The following NRXN1 variants were observed in gnomAD, a reference collection of about 807,000 sequenced individuals.
NRXN1 encodes the protein neurexin 1, also known as neurexin-1.
In NRXN1, 39 loss-of-function variants were observed where a neutral mutation model predicts 150.9. The observed-to-expected ratio is 0.26, with a 90% CI of 0.20 to 0.34. The LOEUF is 0.34. NRXN1 is among the 10% of genes least tolerant of loss of function. The pLI, the probability that NRXN1 is intolerant of heterozygous loss-of-function variation, is 1.00. For missense variants in NRXN1, 1,815 were observed against 1,949.9 expected (o/e 0.93, Z 1.30); for synonymous variants, 924 against 757.0 (o/e 1.22, Z -3.62).
chr2:50,968,650 A>G (rs1179434969), intron 2 of NRXN1, among the ~76,000 whole-genome samples: 1 of 152,128 alleles, frequency 6.6e-6, no homozygotes, highest in Non-Finnish European at 1.5e-5. Context: ...ATGCTGTATT[A>G]TATTTTCACA....
intron 21 of NRXN1, among the ~76,000 whole-genome samples, chr2:49,999,202 T>A (rs1183551727): frequency 2.0e-5 from 3 of 152,130 alleles, no homozygotes; most frequent in African/African-American, 7.2e-5. Flanking sequence ...GTGTCTAGAT[T>A]AAAAGAAAAT....
chr2:50,243,029 T>C (rs139392625), intron 17 of NRXN1, among the ~76,000 whole-genome samples: 295 of 151,886 alleles, frequency 1.9e-3, no homozygotes, highest in African/African-American at 6.9e-3. Flanking sequence ...AAGGATGATA[T>C]TCAAGACAGC....
intron 18 of NRXN1, among the ~76,000 whole-genome samples, chr2:50,148,974 G>A (rs2058534317): frequency 6.6e-6 from 1 of 151,632 alleles, no homozygotes. Context: ...AATCATCTCT[G>A]GGTTGAAAGT....
intron 18 of NRXN1, among the ~76,000 whole-genome samples, chr2:50,166,044 T>A (rs2059660744): frequency 6.6e-6 from 1 of 152,052 alleles, no homozygotes; most frequent in African/African-American, 2.4e-5. Flanking sequence ...TCACCAATGA[T>A]ACAGGCTGAG....
At chr2:50,880,104 G>C (rs1679205308) in intron 5 of NRXN1, among the ~76,000 whole-genome samples, 2 of 151,964 alleles carry the variant, frequency 1.3e-5, no homozygotes, top group African/African-American at 4.8e-5. Flanking sequence ...TATGGGAACT[G>C]CAGAAACATT....
intron 17 of NRXN1, among the ~76,000 whole-genome samples, chr2:50,380,288 G>A (rs1156430340): frequency 6.6e-6 from 1 of 151,714 alleles, no homozygotes; most frequent in East Asian, 1.9e-4. Context: ...GTGTGTGTGT[G>A]TGTGTGTGCG....
At chr2:50,142,388 G>C (rs1707400614) in intron 18 of NRXN1, among the ~76,000 whole-genome samples, 1 of 151,806 alleles carries the variant, frequency 6.6e-6, no homozygotes, top group South Asian at 2.1e-4. Context: ...ATGTTCTAAT[G>C]TTTGATAGCA....
At chr2:50,948,923 A>C (rs1395507521) in intron 2 of NRXN1, among the ~76,000 whole-genome samples, 1 of 152,050 alleles carries the variant, frequency 6.6e-6, no homozygotes, top group Non-Finnish European at 1.5e-5. Context: ...CCATGAATTC[A>C]ATATGGCTTA....
chr2:50,200,381 TAC>T (rs1489008719), intron 18 of NRXN1, among the ~76,000 whole-genome samples: 4 of 152,152 alleles, frequency 2.6e-5, no homozygotes, highest in Admixed American at 6.6e-5. Flanking sequence ...TACTATGAAA[TAC>T]AGTCTTCTAA....
chr2:50,321,585 G>A (rs553336595), intron 17 of NRXN1, among the ~76,000 whole-genome samples: 166 of 152,086 alleles, frequency 1.1e-3, no homozygotes, highest in African/African-American at 3.9e-3. Flanking sequence ...TTCCTAAGTA[G>A]CAGTACTTTT....
rs147624547 is a variant in NRXN1, at chr2:50,316,753, T to C, written c.3365-79783A>G. The stretch of plus-strand genomic sequence containing the variant: ...CTTTTGATTTAATGAGAAATACAAA[T>C]TTGCCGAAAATATGTCTTCCTTCTT... On this transcript the variant is annotated intron_variant, in intron 17 of 22. Transcript: ENST00000401669. Among the ~76,000 whole-genome samples, 355 of 152,068 alleles carry C rather than the reference T, an allele frequency of 2.3e-3. 2 individuals carry two copies. The highest frequency in any genetic ancestry group is 8.2e-3 in the African/African-American group (339 of 41,518).
At chr2:50,814,555 A>C (rs1451394846) in intron 5 of NRXN1, among the ~76,000 whole-genome samples, 1 of 152,104 alleles carries the variant, frequency 6.6e-6, no homozygotes, top group Non-Finnish European at 1.5e-5. Context: ...CTGGGAGTAT[A>C]TCATACCACA....
intron 5 of NRXN1, among the ~76,000 whole-genome samples, chr2:50,670,288 T>G (rs1688653850): frequency 6.6e-6 from 1 of 151,856 alleles, no homozygotes; most frequent in Non-Finnish European, 1.5e-5. Context: ...AAAGTAATCA[T>G]TTATCATTAA....
chr2:50,459,026 G>A (rs2087888044), intron 17 of NRXN1, among the ~76,000 whole-genome samples: 1 of 152,048 alleles, frequency 6.6e-6, no homozygotes. Context: ...ACTGAAATAT[G>A]TTGATGTAAT....
At chr2:50,261,350 G>A (rs948737131) in intron 17 of NRXN1, among the ~76,000 whole-genome samples, 4 of 151,704 alleles carry the variant, frequency 2.6e-5, no homozygotes, top group Non-Finnish European at 5.9e-5. Context: ...AGCCTCTAAG[G>A]TACGCTCAGA....
At chr2:50,559,716 T>A (rs570058325) in intron 8 of NRXN1, among the ~76,000 whole-genome samples, 1 of 152,294 alleles carries the variant, frequency 6.6e-6, no homozygotes, top group South Asian at 2.1e-4. Context: ...TATGTTAGAA[T>A]ATATGGTATA....
chr2:50,199,299 T>A (rs1268295367), intron 18 of NRXN1: 1 of 152,002 alleles, frequency 6.6e-6, no homozygotes, highest in African/African-American at 2.4e-5. Flanking sequence ...CCTGCAAAGA[T>A]TTTTTAAAAA....
intron 5 of NRXN1, among the ~76,000 whole-genome samples, chr2:50,677,172 A>G (rs528745580): frequency 6.6e-6 from 1 of 152,248 alleles, no homozygotes; most frequent in African/African-American, 2.4e-5. Context: ...AGAAATAGTA[A>G]ATTATAGGCA....
chr2:50,317,631 A>G (rs991611009), intron 17 of NRXN1, among the ~76,000 whole-genome samples: 3 of 152,006 alleles, frequency 2.0e-5, no homozygotes, highest in Non-Finnish European at 4.4e-5. Context: ...AATGTATATA[A>G]AACAAAGGAA....
Sources: gnomAD v4.1 joint callset for allele counts (sites outside exome capture counted in the v4.1 genomes callset) on GRCh38, gnomAD v4.1.1 for gene constraint, MANE v1.5 for transcripts, NCBI Gene and HGNC (gene_info 2026-07-23, HGNC 2026-07-21) for gene names.